Variants in CCL1 observed in about 807,000 individuals in gnomAD.
CCL1 encodes the protein C-C motif chemokine 1.
In CCL1, 9 loss-of-function variants were observed where a neutral mutation model predicts 7.5. The observed-to-expected ratio is 1.20, with a 90% CI of 0.72 to 2.09. The LOEUF is 2.09. Among genes scored for constraint, CCL1 ranks in the 30% most tolerant of loss-of-function variants. CCL1 has a pLI of 0.00. For missense variants in CCL1, 110 were observed against 113.7 expected, an observed-to-expected ratio of 0.97 and a Z score of 0.15; for synonymous variants, 48 against 44.7, an observed-to-expected ratio of 1.07 and a Z score of -0.30.
rs780220490 is a variant in CCL1 at position 34,360,630 on chromosome 17, C to T, written c.220G>A (p.Ala74Thr). ...FKLKRGKEAC[A>T]LDTVGWVQRH... is the part of the protein sequence containing the mutation. ...TGAACCCATCCAACTGTGTCCAAGG[C>T]GCAGGCCTCTTTGCCTCTCTTCAGC... The change falls in exon 3 of 3, where the codon GCC becomes ACC. Residue 74 changes from alanine to threonine, a missense_variant. Ala to Thr is a moderately conservative substitution (Grantham distance 58, BLOSUM62 0). Coordinates refer to ENST00000225842, the MANE Select transcript of CCL1 (RefSeq NM_002981.2). 107 of 1,613,360 alleles carry T rather than the reference C, an allele frequency of 6.6e-5. No individual in the cohort carries two copies. The highest frequency in any genetic ancestry group is 4.5e-4 in the Admixed American group (27 of 59,992).
At chr17:34,362,894 T>A (rs1910543568) in intron 1 of CCL1, among the ~76,000 whole-genome samples, 192 bp downstream of exon 1, 1 of 152,140 alleles carries the variant, frequency 6.6e-6, no homozygotes, top group African/African-American at 2.4e-5. Flanking sequence ...CAGTTCTCTG[T>A]GTTTGCCCCA....
chr17:34,362,856 G>A (rs1185066373), intron 1 of CCL1, among the ~76,000 whole-genome samples: 1 of 13,172 alleles, frequency 7.6e-5, no homozygotes, highest in African/African-American at 8.4e-5. Context: ...GGATGAAGCA[G>A]AGCCTCCTTG....
Position 34,363,186 on chromosome 17 carries a change from C to G in CCL1, c.-25G>C, listed in dbSNP as rs1041275413. The G allele has an allele frequency of 3.7e-6, 6 of 1,611,810 alleles. No individual in the cohort carries two copies. Among genetic ancestry groups the G allele is most frequent in the Non-Finnish European group, 5.1e-6 (6 of 1,178,666 alleles). On this transcript the variant is annotated 5_prime_UTR_variant, in exon 1 of 3. Transcript: ENST00000225842. The stretch of plus-strand genomic sequence containing the variant: ...TGTCTTCTGGTCTGGCTTGGGCCTT[C>G]CTGGAGCAGCTTTGATGAGCCTGGT...
chr17:34,361,056 T>C (rs958767226), intron 2 of CCL1, among the ~76,000 whole-genome samples: 1 of 152,032 alleles, frequency 6.6e-6, no homozygotes. Context: ...TGTGTGTGTG[T>C]GTGCGCGCGC....
In CCL1 at chr17:34,363,177, T is replaced by A. The variant is rs1910553430; in HGVS notation, c.-16A>T. On this transcript the variant is annotated 5_prime_UTR_variant, in exon 1 of 3. It adds an upstream start codon to the 5' untranslated region. Coordinates refer to ENST00000225842, the MANE Select transcript of CCL1 (RefSeq NM_002981.2). ...TGATCTGCATGTCTTCTGGTCTGGC[T>A]TGGGCCTTCCTGGAGCAGCTTTGAT... 6.2e-7 allele frequency: 1 copy of A among 1,613,460 alleles called. No individual in the cohort carries two copies. Among genetic ancestry groups the A allele is most frequent in the East Asian group, 2.2e-5 (1 of 44,880 alleles).
At chr17:34,362,317 C>G (rs2141951432) in intron 1 of CCL1, among the ~76,000 whole-genome samples, 1 of 152,164 alleles carries the variant, frequency 6.6e-6, no homozygotes, top group East Asian at 1.9e-4. Context: ...ATGCAGGACA[C>G]AGTGGTCCAC....
chr17:34,362,528 G>T (rs940157490), intron 1 of CCL1, among the ~76,000 whole-genome samples: 1 of 151,832 alleles, frequency 6.6e-6, no homozygotes, highest in Non-Finnish European at 1.5e-5. Context: ...ACCACATCCC[G>T]CAAGAGACCT....
At chr17:34,362,278 C>T (rs1474748988) in intron 1 of CCL1, among the ~76,000 whole-genome samples, 4 of 152,310 alleles carry the variant, frequency 2.6e-5, no homozygotes, top group Non-Finnish European at 5.9e-5. Flanking sequence ...GGGCTCTGGA[C>T]CCCACACCCT....
chr17:34,361,945 A>C (rs1047840400), intron 1 of CCL1, 49 bp from the exon 2 acceptor site: 68 of 1,232,250 alleles, frequency 5.5e-5, no homozygotes, highest in Non-Finnish European at 7.3e-5. Flanking sequence ...TCAACCTCTC[A>C]CCTGTAGCAC....
At position 34,361,087 on chromosome 17, in the gene CCL1, T is replaced by C. The variant is rs544128058; in HGVS notation, c.189-426A>G. Among the ~76,000 whole-genome samples, 11 of 152,182 alleles carry C rather than the reference T, an allele frequency of 7.2e-5. No individual in the cohort carries two copies. The East Asian group carries it at 1.9e-3, about 27-fold the overall frequency. On this transcript the variant is annotated intron_variant, in intron 2 of 2. Transcript: ENST00000225842. ...CGCGCCTTGTGTGTGTGTGGGTGTGTGTATTTTTCTCTTCTGATCTGTCTA... is the reference window on the plus strand; with the variant it reads ...CGCGCCTTGTGTGTGTGTGGGTGTGCGTATTTTTCTCTTCTGATCTGTCTA...
In CCL1 at chr17:34,360,382, TG is replaced by T; in HGVS notation, c.*176del. 1.8e-6 allele frequency: 1 copy of T among 564,118 alleles called. No individual in the cohort carries two copies. Among genetic ancestry groups the T allele is most frequent in the Non-Finnish European group, 3.2e-6 (1 of 312,896 alleles). 34.9% of individuals were successfully genotyped at this position (564,118 alleles called of 1,614,324 possible). ...CTGAAATCCAAGAGACCCAGAGGGT[TG>T]GGGGTTGATGATTGTATAATTTAAA... On this transcript the variant is annotated 3_prime_UTR_variant, in exon 3 of 3. Coordinates refer to ENST00000225842, the MANE Select transcript of CCL1 (RefSeq NM_002981.2).
At chr17:34,360,726 A>G in intron 2 of CCL1, 65 bp from the exon 3 acceptor site, 1 of 1,249,450 alleles carries the variant, frequency 8.0e-7, no homozygotes. Flanking sequence ...GCAACGCACA[A>G]GCCCCGCCTC....
Position 34,363,158 on chromosome 17 carries a change from G to T in CCL1, c.4C>A (p.Gln2Lys). 3 of 1,613,738 alleles carry T rather than the reference G, an allele frequency of 1.9e-6. No individual in the cohort carries two copies. In the South Asian group the frequency reaches 3.3e-5, roughly 18 times the overall value. Residue 2 changes from glutamine (Q) to lysine (K), a missense_variant, in exon 1 of 3, where the codon CAG (glutamine) becomes AAG (lysine). Physicochemically the swap from Gln to Lys is moderately conservative, Grantham distance 53. Transcript: ENST00000225842. M[Q>K]IITTALVCLL... ...CACACCAGGGCTGTGGTGATGATCT[G>T]CATGTCTTCTGGTCTGGCTTGGGCC... is the stretch of plus-strand genomic sequence containing the variant.
chr17:34,363,232 G>T lies in CCL1; in HGVS notation c.-71C>A. 1.4e-6 allele frequency: 2 copies of T among 1,435,652 alleles called. No individual in the cohort carries two copies. The highest frequency in any genetic ancestry group is 1.9e-6 in the Non-Finnish European group (2 of 1,028,106). 88.9% of individuals were successfully genotyped at this position (1,435,652 alleles called of 1,614,324 possible). ...CTGGTGAAGCTAAGAGCTCACCACT[G>T]TGCCGTCCTGCAATGCTGAGGGCTT... On this transcript the variant is annotated 5_prime_UTR_variant, in exon 1 of 3. Transcript: ENST00000225842.
chr17:34,362,943 C>A, intron 1 of CCL1, 143 bp downstream of exon 1: 1 of 733,448 alleles, frequency 1.4e-6, no homozygotes, highest in South Asian at 1.7e-5. Flanking sequence ...CCAGCCTGTC[C>A]AAGTTCACCA....
intron 2 of CCL1, among the ~76,000 whole-genome samples, chr17:34,361,416 T>C (rs940474996): frequency 6.6e-6 from 1 of 152,188 alleles, no homozygotes; most frequent in Non-Finnish European, 1.5e-5. Flanking sequence ...CTGTCCACGG[T>C]CACCCAAGAC....
intron 1 of CCL1, among the ~76,000 whole-genome samples, chr17:34,362,791 C>A (rs954799292): frequency 1.3e-5 from 2 of 152,150 alleles, no homozygotes; most frequent in African/African-American, 4.8e-5. Flanking sequence ...GTCCCCTGGA[C>A]CTTAGGCCTC....
chr17:34,362,795 A>G (rs210839), intron 1 of CCL1, among the ~76,000 whole-genome samples: 64,085 of 152,026 alleles, frequency 0.42, 14,051 homozygotes, highest in Admixed American at 0.55. Context: ...CCTGGACCTT[A>G]GGCCTCCCAG....
Position 34,360,423 on chromosome 17 carries a change from C to A in CCL1, c.*136G>T, listed in dbSNP as rs3136682. The A allele has an allele frequency of 5.8e-6, 4 of 694,898 alleles. No homozygotes were observed. In the East Asian group the frequency reaches 1.0e-4, roughly 18 times the overall value. 43.0% of individuals were successfully genotyped at this position (694,898 alleles called of 1,614,324 possible). A position where few individuals can be genotyped will look rare whatever the true frequency, so the allele number is the denominator to read the frequency against. On this transcript the variant is annotated 3_prime_UTR_variant, in exon 3 of 3. Transcript: ENST00000225842. ...TATAATTTAAATGTTTAAAGTGCAACAACATAGCTTATCAAGACCAAGCAG... is the reference window on the plus strand; with the variant it reads ...TATAATTTAAATGTTTAAAGTGCAAAAACATAGCTTATCAAGACCAAGCAG...
Sources: allele counts gnomAD v4.1 joint callset (sites outside exome capture counted in the v4.1 genomes callset), GRCh38; gene constraint gnomAD v4.1.1; transcripts MANE v1.5; gene names NCBI Gene and HGNC (gene_info 2026-07-23, HGNC 2026-07-21).